OCA2: variants seen among roughly 807,000 people sequenced by gnomAD.
OCA2 encodes OCA2 melanosomal transmembrane protein, also known as P protein.
In OCA2, 77 loss-of-function variants were observed where a neutral mutation model predicts 100.2. The ratio of observed to expected loss-of-function variants is 0.77; its 90% confidence interval spans 0.64 to 0.93. OCA2 has a LOEUF of 0.93. OCA2 is among the 40% of genes least tolerant of loss of function. OCA2 has a pLI of 0.00. For missense variants in OCA2, 1,062 were observed against 1,089.1 expected (o/e 0.98, Z 0.35); for synonymous variants, 432 against 439.2 (o/e 0.98, Z 0.21).
intron 2 of OCA2, among the ~76,000 whole-genome samples, chr15:28,047,634 G>T (rs1165924176): frequency 6.6e-6 from 1 of 152,108 alleles, no homozygotes; most frequent in Non-Finnish European, 1.5e-5. Context: ...GGATATATAT[G>T]AAAAACCCAC....
intron 2 of OCA2, among the ~76,000 whole-genome samples, chr15:28,067,554 A>G (rs59727997): frequency 0.06 from 9,067 of 152,192 alleles, 880 homozygotes; most frequent in African/African-American, 0.21. Flanking sequence ...TTAATTTTAA[A>G]TAATCATTTT....
chr15:28,080,802 A>G (rs1424741628), intron 2 of OCA2, among the ~76,000 whole-genome samples: 3 of 152,240 alleles, frequency 2.0e-5, no homozygotes, highest in Admixed American at 2.0e-4. Context: ...TGCTTTTCTC[A>G]TTACAAGGAC....
chr15:27,913,877 AAG>A (rs1567098027), intron 19 of OCA2, among the ~76,000 whole-genome samples: 19 of 57,706 alleles, frequency 3.3e-4, no homozygotes, highest in African/African-American at 1.7e-3. Flanking sequence ...GAAAGAAAGA[AAG>A]AAAGAAAGAA....
intron 23 of OCA2, among the ~76,000 whole-genome samples, chr15:27,787,931 AT>A (rs2032896698): frequency 1.3e-5 from 2 of 151,910 alleles, no homozygotes; most frequent in Admixed American, 1.3e-4. Context: ...TTATGCTTTT[AT>A]TTTAATTTTG....
chr15:27,906,728 A>C (rs538336815), intron 19 of OCA2, among the ~76,000 whole-genome samples: 2 of 146,998 alleles, frequency 1.4e-5, no homozygotes, highest in South Asian at 4.5e-4. Context: ...TATTTTTAAA[A>C]ATAAGTCAAT....
At chr15:27,990,370 G>A (rs1430718062) in intron 10 of OCA2, among the ~76,000 whole-genome samples, 1 of 152,212 alleles carries the variant, frequency 6.6e-6, no homozygotes, top group African/African-American at 2.4e-5. Flanking sequence ...CACACCACTG[G>A]GATGTGAGTG....
chr15:27,747,361 T>G, the OCA2 span, among the ~76,000 whole-genome samples: 1 of 152,260 alleles, frequency 6.6e-6, no homozygotes, highest in Non-Finnish European at 1.5e-5. Context: ...TATTCTGGAC[T>G]AAGCTACTTT....
the OCA2 span, among the ~76,000 whole-genome samples, chr15:27,741,861 T>C: frequency 6.6e-6 from 1 of 152,238 alleles, no homozygotes. Context: ...CAAATTGTTT[T>C]AGATAGCATA....
intron 22 of OCA2, among the ~76,000 whole-genome samples, chr15:27,845,673 C>A (rs545750486): frequency 1.3e-5 from 2 of 152,318 alleles, no homozygotes; most frequent in East Asian, 1.9e-4. Flanking sequence ...CACACACTCA[C>A]ACCCAGGGAA....
At chr15:27,894,384 T>A (rs2037597734) in intron 19 of OCA2, among the ~76,000 whole-genome samples, 1 of 152,100 alleles carries the variant, frequency 6.6e-6, no homozygotes, top group Non-Finnish European at 1.5e-5. Context: ...AGCTGGGAAA[T>A]GAAACTGTTT....
At chr15:27,799,650 CAGG>C (rs1205162680) in intron 23 of OCA2, among the ~76,000 whole-genome samples, 1 of 151,580 alleles carries the variant, frequency 6.6e-6, no homozygotes, top group Admixed American at 6.6e-5. Flanking sequence ...GAGGCAGAGA[CAGG>C]AGAATTGCTT....
intron 9 of OCA2, among the ~76,000 whole-genome samples, chr15:27,991,729 G>A (rs1360317460): frequency 6.6e-6 from 1 of 151,982 alleles, no homozygotes; most frequent in Non-Finnish European, 1.5e-5. Context: ...CAATAAATTT[G>A]TTAAAAAAAT....
intron 9 of OCA2, among the ~76,000 whole-genome samples, chr15:27,997,045 G>GA (rs376588213): frequency 2.1e-5 from 3 of 141,564 alleles, no homozygotes; most frequent in Non-Finnish European, 4.6e-5. Context: ...GAGAGAGAAA[G>GA]AAGGAAGGAA....
At chr15:27,877,533 T>C (rs553900482) in intron 19 of OCA2, among the ~76,000 whole-genome samples, 12 of 152,162 alleles carry the variant, frequency 7.9e-5, no homozygotes, top group African/African-American at 2.9e-4. Context: ...ATCTTCCTTA[T>C]AATCTGTCCC....
intron 23 of OCA2, among the ~76,000 whole-genome samples, chr15:27,836,030 C>G (rs896750143): frequency 6.6e-6 from 1 of 152,206 alleles, no homozygotes; most frequent in African/African-American, 2.4e-5. Flanking sequence ...GCTCTCGTGG[C>G]TCTCTCAGAC....
At position 27,985,134 on chromosome 15, in the gene OCA2, T is replaced by C. The variant is rs917669479; in HGVS notation, c.1294A>G (p.Ile432Val). Residue 432 changes from isoleucine (I) to valine (V), a missense_variant, in exon 13 of 24, where the codon ATC becomes GTC. Ile to Val is a conservative substitution (Grantham distance 29). Coordinates refer to ENST00000354638, the MANE Select transcript of OCA2 (RefSeq NM_000275.3). ...AAGAAGGCAGAGAGGACGGCCGCGA[T>C]GAGACAGAGCATGATGATCATGGCC... ...VWAMIIMLCL[I>V]AAVLSAFLDN... The C allele has an allele frequency of 1.9e-6, 3 of 1,613,986 alleles. No homozygotes were observed. Among genetic ancestry groups the C allele is most frequent in the Non-Finnish European group, 2.5e-6 (3 of 1,179,994 alleles).
At chr15:27,765,687 T>C (rs954500674) in intron 23 of OCA2, among the ~76,000 whole-genome samples, 1 of 152,214 alleles carries the variant, frequency 6.6e-6, no homozygotes, top group Non-Finnish European at 1.5e-5. Flanking sequence ...TAACCAGTTA[T>C]AGAAATAAAA....
intron 19 of OCA2, among the ~76,000 whole-genome samples, chr15:27,876,713 C>A (rs4598864): frequency 0.44 from 66,343 of 151,606 alleles, 16,842 homozygotes; most frequent in African/African-American, 0.68. Context: ...AGGTTGTTGA[C>A]TGTGTTGGTA....
chr15:28,018,454 G>A lies in OCA2; in HGVS notation c.750C>T (p.Ile250=), dbSNP rs377144100. 9.9e-6 allele frequency: 16 copies of A among 1,613,946 alleles called. No homozygotes were observed. The highest frequency in any genetic ancestry group is 1.6e-4 in the Middle Eastern group (1 of 6,084). ...CGTCAGCCTGGGTCAGCTCCACCACGATGTGCTCTTCCCTCCCAGGACGAC... is the reference window on the plus strand; with the variant it reads ...CGTCAGCCTGGGTCAGCTCCACCACAATGTGCTCTTCCCTCCCAGGACGAC... ...GPSRPGREEH[I]VVELTQADAL... is the part of the protein sequence containing the mutation. Residue 250 remains isoleucine (I), a synonymous_variant, in exon 7 of 24, where the codon ATC becomes ATT. Transcript: ENST00000354638.
Sources: gnomAD v4.1 joint callset for allele counts (sites outside exome capture counted in the v4.1 genomes callset) on GRCh38, gnomAD v4.1.1 for gene constraint, MANE v1.5 for transcripts, NCBI Gene and HGNC (gene_info 2026-07-23, HGNC 2026-07-21) for gene names.